ANKRD17: variants seen among roughly 807,000 people sequenced by gnomAD.
The protein encoded by ANKRD17 is ankyrin repeat domain-containing protein 17.
In ANKRD17, 19 loss-of-function variants were observed where a neutral mutation model predicts 229.7. The observed-to-expected ratio is 0.08, with a 90% CI of 0.06 to 0.12. The LOEUF (loss-of-function observed/expected upper bound fraction) is 0.12. Ranked by LOEUF, ANKRD17 falls within the 10% of genes least tolerant of loss-of-function variation. ANKRD17 has a pLI of 1.00. For synonymous variants in ANKRD17, 1,112 were observed against 1,146.1 expected, an observed-to-expected ratio of 0.97 and a Z score of 0.60; for missense variants, 2,176 against 3,176.8, an observed-to-expected ratio of 0.68 and a Z score of 7.57.
At chr4:73,098,727 T>C (rs1723591792) in intron 25 of ANKRD17, 2 of 927,026 alleles carry the variant, frequency 2.2e-6, no homozygotes, top group Non-Finnish European at 3.4e-6. Context: ...CAGGTAGTTA[T>C]AAAAAATATT....
chr4:73,158,171 A>AGAAAGAAAGAAAGAAAGAAAGAAG (rs1731987473), intron 3 of ANKRD17, among the ~76,000 whole-genome samples: 1 of 151,436 alleles, frequency 6.6e-6, no homozygotes, highest in South Asian at 2.1e-4. Context: ...AAAGAAAGAA[A>AGAAAGAAAGAAAGAAAGAAAGAAG]GAAAGAAAGA....
chr4:73,209,646 T>C (rs1191610058), intron 1 of ANKRD17, among the ~76,000 whole-genome samples: 1 of 151,912 alleles, frequency 6.6e-6, no homozygotes, highest in Non-Finnish European at 1.5e-5. Flanking sequence ...GCAAAAAAGA[T>C]CAAATATATT....
chr4:73,188,706 A>G (rs1398626291), intron 1 of ANKRD17, among the ~76,000 whole-genome samples: 1 of 152,200 alleles, frequency 6.6e-6, no homozygotes, highest in Non-Finnish European at 1.5e-5. Flanking sequence ...ATGCATCAAC[A>G]TAATTTATAA....
intron 1 of ANKRD17, among the ~76,000 whole-genome samples, chr4:73,256,793 A>G (rs1745493630): frequency 6.6e-6 from 1 of 152,240 alleles, no homozygotes; most frequent in South Asian, 2.1e-4. Flanking sequence ...AAGTAGGCCA[A>G]TATAAGTCTA....
At chr4:73,238,603 C>A (rs1743730350) in intron 1 of ANKRD17, among the ~76,000 whole-genome samples, 1 of 152,080 alleles carries the variant, frequency 6.6e-6, no homozygotes, top group Non-Finnish European at 1.5e-5. Context: ...ACCCTCCTTA[C>A]TCCATCATTT....
chr4:73,217,465 G>C (rs973405295), intron 1 of ANKRD17, among the ~76,000 whole-genome samples: 3 of 151,962 alleles, frequency 2.0e-5, no homozygotes, highest in Non-Finnish European at 4.4e-5. Context: ...TATACAGGTT[G>C]ATCATCCCTA....
chr4:73,167,623 T>G (rs1733406600), intron 2 of ANKRD17, among the ~76,000 whole-genome samples: 1 of 152,198 alleles, frequency 6.6e-6, no homozygotes, highest in African/African-American at 2.4e-5. Flanking sequence ...GGTATATTTT[T>G]AAATAATTTC....
In ANKRD17 at chr4:73,212,863, C is replaced by CA. The variant is rs112097432; in HGVS notation, c.394-35331dup. 5.4e-3 allele frequency among the ~76,000 whole-genome samples: 697 copies of CA among 129,828 alleles called. 3 individuals are homozygous for CA. The highest frequency in any genetic ancestry group is 0.021 in the South Asian group (84 of 4,082). 85.2% of individuals were successfully genotyped at this position (129,828 alleles called of 152,430 possible). On this transcript the variant is annotated intron_variant, in intron 1 of 33. Transcript: ENST00000358602. Reference sequence around the variant, plus strand: ...AAACCCCGTCTCTACTAAAAAAATACAAAAAAAAAAAAAATTAGCGCAGAG... The same window carrying CA: ...AAACCCCGTCTCTACTAAAAAAATACAAAAAAAAAAAAAAATTAGCGCAGAG...
At chr4:73,144,900 A>G (rs1730063208) in intron 10 of ANKRD17, 68 bp from the exon 11 acceptor site, 1 of 1,139,252 alleles carries the variant, frequency 8.8e-7, no homozygotes, top group Admixed American at 2.5e-5. Context: ...TTTCATGGAA[A>G]TCAAAAGGAA....
rs1229474682 is a variant in ANKRD17 at position 73,213,682 on chromosome 4, G to GGT, written c.394-36151_394-36150dup. Reference sequence around the variant, plus strand: ...CAAAAATAAATTGTTGCAAAAATATGGTATATATAAACATTGATATTTATA... The same window carrying GGT: ...CAAAAATAAATTGTTGCAAAAATATGGTGTATATATAAACATTGATATTTATA... On this transcript the variant is annotated intron_variant, in intron 1 of 33. Coordinates refer to ENST00000358602, the MANE Select transcript of ANKRD17 (RefSeq NM_032217.5). Among the ~76,000 whole-genome samples, 7 of 151,958 alleles carry GGT rather than the reference G, an allele frequency of 4.6e-5. No individual in the cohort carries two copies. In the South Asian group the frequency reaches 1.2e-3, roughly 27 times the overall value.
At chr4:73,135,353 C>CT in intron 15 of ANKRD17, 88 bp from the exon 16 acceptor site, 1 of 1,314,464 alleles carries the variant, frequency 7.6e-7, no homozygotes, top group South Asian at 1.5e-5. Context: ...TTAAAGACTT[C>CT]TTAAAACAAT....
intron 3 of ANKRD17, among the ~76,000 whole-genome samples, chr4:73,160,560 A>G (rs1732397668): frequency 6.6e-6 from 1 of 152,114 alleles, no homozygotes; most frequent in Admixed American, 6.6e-5. Context: ...TATATATGAG[A>G]TGGTGTGATT....
intron 29 of ANKRD17, among the ~76,000 whole-genome samples, chr4:73,085,904 T>C (rs183792911): frequency 2.0e-4 from 31 of 151,828 alleles, no homozygotes; most frequent in African/African-American, 4.6e-4. Context: ...GGTGGGAGGA[T>C]TGCTTGAGCC....
intron 10 of ANKRD17, among the ~76,000 whole-genome samples, chr4:73,145,742 G>C (rs1359399216): frequency 6.6e-6 from 1 of 152,048 alleles, no homozygotes; most frequent in African/African-American, 2.4e-5. Flanking sequence ...TATTATATAC[G>C]TTCTATTCTA....
intron 1 of ANKRD17, among the ~76,000 whole-genome samples, chr4:73,256,107 C>T (rs1211850989): frequency 6.6e-6 from 1 of 152,164 alleles, no homozygotes; most frequent in Non-Finnish European, 1.5e-5. Context: ...ATGTAAAAGA[C>T]AGGATAAGGT....
intron 1 of ANKRD17, among the ~76,000 whole-genome samples, chr4:73,188,844 GAC>G (rs1243396345): frequency 2.0e-5 from 3 of 152,054 alleles, no homozygotes; most frequent in South Asian, 2.1e-4. Flanking sequence ...AAAAATGAGA[GAC>G]AGAGAAAAAT....
intron 1 of ANKRD17, among the ~76,000 whole-genome samples, chr4:73,242,459 T>C (rs556473988): frequency 9.9e-5 from 15 of 152,250 alleles, no homozygotes; most frequent in Non-Finnish European, 8.8e-5. Flanking sequence ...TAAAGACAGA[T>C]GAAGGGCCTG....
At chr4:73,166,313 G>T (rs993538095) in intron 2 of ANKRD17, among the ~76,000 whole-genome samples, 2 of 152,186 alleles carry the variant, frequency 1.3e-5, no homozygotes, top group African/African-American at 4.8e-5. Flanking sequence ...AAGCTTTGGG[G>T]AAGGAGAATA....
intron 24 of ANKRD17, among the ~76,000 whole-genome samples, chr4:73,110,316 T>C (rs1725158256): frequency 6.6e-6 from 1 of 152,198 alleles, no homozygotes; most frequent in African/African-American, 2.4e-5. Flanking sequence ...TTAATAAGTA[T>C]TAAAAAATCT....
Sources: gnomAD v4.1 joint callset for allele counts (sites outside exome capture counted in the v4.1 genomes callset) on GRCh38, gnomAD v4.1.1 for gene constraint, MANE v1.5 for transcripts, NCBI Gene and HGNC (gene_info 2026-07-23, HGNC 2026-07-21) for gene names.